The following PTPRD variants were observed in gnomAD, a reference collection of about 807,000 sequenced individuals.
The protein encoded by PTPRD is protein tyrosine phosphatase receptor type D, also known as receptor-type tyrosine-protein phosphatase delta.
PTPRD carries 34 observed loss-of-function variants against 214.5 expected under a neutral mutation model. That is an observed-to-expected ratio of 0.16 (90% confidence interval 0.12 to 0.21). The LOEUF is 0.21. Among genes scored for constraint, PTPRD ranks in the 10% least tolerant of loss-of-function variants. PTPRD has a pLI of 1.00. For missense variants in PTPRD, 2,545 were observed against 2,398.7 expected, an observed-to-expected ratio of 1.06 and a Z score of -1.27; for synonymous variants, 1,128 against 845.7, an observed-to-expected ratio of 1.33 and a Z score of -5.79.
chr9:9,415,122 C>T (rs1351619106), intron 8 of PTPRD, among the ~76,000 whole-genome samples: 1 of 152,080 alleles, frequency 6.6e-6, no homozygotes, highest in Non-Finnish European at 1.5e-5. Context: ...GCAATAACTG[C>T]TATGCAGGAA....
intron 3 of PTPRD, among the ~76,000 whole-genome samples, chr9:10,099,688 C>T (rs891891898): frequency 5.9e-5 from 9 of 151,734 alleles, no homozygotes; most frequent in Non-Finnish European, 1.2e-4. Flanking sequence ...TCTCACAGCC[C>T]ATAGAGCTTT....
chr9:9,156,713 A>C (rs768086500), intron 10 of PTPRD, among the ~76,000 whole-genome samples: 12 of 151,436 alleles, frequency 7.9e-5, no homozygotes, highest in Non-Finnish European at 3.0e-5. Flanking sequence ...GTGGACCCAG[A>C]CTCTTTCCAT....
At chr9:10,043,601 T>C (rs1352988970) in intron 3 of PTPRD, among the ~76,000 whole-genome samples, 1 of 151,854 alleles carries the variant, frequency 6.6e-6, no homozygotes, top group Non-Finnish European at 1.5e-5. Flanking sequence ...TTCTAAGATG[T>C]TTTATAGTTT....
At chr9:8,679,835 C>A (rs2097515808) in intron 12 of PTPRD, among the ~76,000 whole-genome samples, 1 of 152,154 alleles carries the variant, frequency 6.6e-6, no homozygotes. Flanking sequence ...GACTGTTGAG[C>A]AAATATGGCA....
chr9:10,015,295 G>T (rs150773040), intron 4 of PTPRD, among the ~76,000 whole-genome samples: 13 of 152,224 alleles, frequency 8.5e-5, no homozygotes, highest in African/African-American at 3.1e-4. Context: ...AACAGCTGCT[G>T]ACTTAGATTT....
rs147790964 is a variant in PTPRD at position 9,020,469 on chromosome 9, T to C, written c.-142-1734A>G. Reference sequence around the variant, plus strand: ...ATGCTGGATTGATTCATGATATAGTTAGAAGGTACAAAGAAAAGGCTGGTT... The same window carrying C: ...ATGCTGGATTGATTCATGATATAGTCAGAAGGTACAAAGAAAAGGCTGGTT... On this transcript the variant is annotated intron_variant, in intron 10 of 45. Transcript: ENST00000381196. Among the ~76,000 whole-genome samples, 269 of 152,154 alleles carry C rather than the reference T, an allele frequency of 1.8e-3. 2 individuals are homozygous for C. Among genetic ancestry groups the C allele is most frequent in the African/African-American group, 6.2e-3 (256 of 41,514 alleles).
At chr9:9,099,723 G>A (rs1394050431) in intron 10 of PTPRD, among the ~76,000 whole-genome samples, 1 of 152,206 alleles carries the variant, frequency 6.6e-6, no homozygotes, top group African/African-American at 2.4e-5. Flanking sequence ...TGTAATGGAA[G>A]TGAGGATTAC....
At chr9:8,323,872 G>A (rs1830867609) in intron 44 of PTPRD, among the ~76,000 whole-genome samples, 1 of 152,194 alleles carries the variant, frequency 6.6e-6, no homozygotes, top group African/African-American at 2.4e-5. Flanking sequence ...TCTACTGTGA[G>A]TAAAATGCTA....
At chr9:10,434,504 G>C (rs929510334) in intron 2 of PTPRD, among the ~76,000 whole-genome samples, 1 of 151,812 alleles carries the variant, frequency 6.6e-6, no homozygotes, top group African/African-American at 2.4e-5. Context: ...ATATTCAAGA[G>C]TTTAAGAAAG....
chr9:9,623,546 C>G (rs75076110), intron 7 of PTPRD, among the ~76,000 whole-genome samples: 4,817 of 152,224 alleles, frequency 0.032, 114 homozygotes, highest in Non-Finnish European at 0.048. Context: ...TACCCCCTTT[C>G]TAGTAACACC....
chr9:10,478,637 T>C (rs1483293476), intron 2 of PTPRD, among the ~76,000 whole-genome samples: 1 of 152,120 alleles, frequency 6.6e-6, no homozygotes, highest in Admixed American at 6.6e-5. Flanking sequence ...AGAAAAACAC[T>C]AAACTTTCCA....
intron 35 of PTPRD, among the ~76,000 whole-genome samples, chr9:8,408,920 T>G (rs539972343): frequency 1.3e-5 from 2 of 152,312 alleles, no homozygotes; most frequent in East Asian, 1.9e-4. Context: ...AAGCAGATAC[T>G]TGCTAATATA....
intron 9 of PTPRD, among the ~76,000 whole-genome samples, chr9:9,271,871 T>C (rs979615969): frequency 2.6e-5 from 4 of 151,490 alleles, no homozygotes; most frequent in South Asian, 2.1e-4. Flanking sequence ...AATTATCAAA[T>C]ATACATACGG....
chr9:10,410,817 C>T (rs905499272), intron 2 of PTPRD, among the ~76,000 whole-genome samples: 1 of 151,746 alleles, frequency 6.6e-6, no homozygotes, highest in African/African-American at 2.4e-5. Flanking sequence ...AAATTTCACA[C>T]ACTGTTTTAC....
At chr9:10,270,985 G>C (rs1454969105) in intron 3 of PTPRD, among the ~76,000 whole-genome samples, 3 of 151,996 alleles carry the variant, frequency 2.0e-5, no homozygotes, top group Non-Finnish European at 4.4e-5. Context: ...ACCATGTGCA[G>C]CTAATAGAAA....
chr9:9,641,868 A>G (rs1029527734), intron 7 of PTPRD, among the ~76,000 whole-genome samples: 12 of 152,158 alleles, frequency 7.9e-5, no homozygotes, highest in Non-Finnish European at 5.9e-5. Context: ...ATTTAGATTA[A>G]GTAAGTTTAC....
intron 3 of PTPRD, among the ~76,000 whole-genome samples, chr9:10,116,439 C>T (rs561881111): frequency 4.6e-5 from 7 of 152,158 alleles, no homozygotes; most frequent in South Asian, 2.1e-4. Flanking sequence ...TAGATATTTT[C>T]GTATCAATTA....
intron 9 of PTPRD, among the ~76,000 whole-genome samples, chr9:9,287,478 AAGGACC>A (rs370369924): frequency 1.1e-4 from 16 of 151,990 alleles, no homozygotes; most frequent in African/African-American, 3.9e-4. Flanking sequence ...CAGACTTCAC[AAGGACC>A]AGTTATTGTG....
At chr9:8,468,593 C>T (rs12349857) in intron 31 of PTPRD, among the ~76,000 whole-genome samples, 33,854 of 151,678 alleles carry the variant, frequency 0.22, 3,836 homozygotes, top group East Asian at 0.3. Context: ...CTTTCAATTT[C>T]TTATGGGCCT....
Sources: allele counts gnomAD v4.1 joint callset (sites outside exome capture counted in the v4.1 genomes callset), GRCh38; gene constraint gnomAD v4.1.1; transcripts MANE v1.5; gene names NCBI Gene and HGNC (gene_info 2026-07-23, HGNC 2026-07-21).